Variants in NELL2 observed in about 807,000 individuals in gnomAD.
The protein encoded by NELL2 is protein kinase C-binding protein NELL2.
In NELL2, 41 loss-of-function variants were observed where a neutral mutation model predicts 109.6. The ratio of observed to expected loss-of-function variants is 0.37; its 90% CI spans 0.29 to 0.49. The LOEUF is 0.49. Ranked by LOEUF, NELL2 falls within the 20% of genes least tolerant of loss-of-function variation. The pLI is 0.98. For missense variants in NELL2, 900 were observed against 1,008.3 expected (o/e 0.89, Z 1.45); for synonymous variants, 355 against 344.7 (o/e 1.03, Z -0.33).
At chr12:44,717,578 A>T (rs1938555372) in intron 9 of NELL2, among the ~76,000 whole-genome samples, 1 of 152,164 alleles carries the variant, frequency 6.6e-6, no homozygotes, top group Non-Finnish European at 1.5e-5. Flanking sequence ...AGATTAAGAA[A>T]ATAAACAAGG....
chr12:44,716,260 T>C (rs1938481791), intron 9 of NELL2, among the ~76,000 whole-genome samples: 1 of 152,206 alleles, frequency 6.6e-6, no homozygotes, highest in South Asian at 2.1e-4. Flanking sequence ...TTTTTTAAAA[T>C]GTCATCCTCC....
At chr12:44,701,905 T>G (rs1256677578) in intron 12 of NELL2, among the ~76,000 whole-genome samples, 2 of 152,096 alleles carry the variant, frequency 1.3e-5, no homozygotes, top group African/African-American at 4.8e-5. Flanking sequence ...CCTTGCAAAC[T>G]TTCCTACATT....
intron 12 of NELL2, among the ~76,000 whole-genome samples, chr12:44,675,606 T>C (rs189244819): frequency 6.6e-6 from 1 of 152,128 alleles, no homozygotes; most frequent in Admixed American, 6.6e-5. Flanking sequence ...AGAGGAACTT[T>C]AGAAATCATC....
At chr12:44,819,729 T>C (rs1204894197) in intron 2 of NELL2, among the ~76,000 whole-genome samples, 1 of 152,210 alleles carries the variant, frequency 6.6e-6, no homozygotes, top group African/African-American at 2.4e-5. Context: ...CAGCCCATTG[T>C]CTTCCTGTTT....
chr12:44,788,609 G>A (rs762511377), intron 3 of NELL2, among the ~76,000 whole-genome samples: 3 of 152,212 alleles, frequency 2.0e-5, no homozygotes, highest in Non-Finnish European at 4.4e-5. Context: ...AAGGCAGAAG[G>A]AAATCTCCAG....
chr12:44,803,486 G>A (rs189645824), intron 3 of NELL2, among the ~76,000 whole-genome samples: 162 of 152,150 alleles, frequency 1.1e-3, no homozygotes, highest in African/African-American at 3.7e-3. Context: ...AGAGGAATAA[G>A]AGATGGAGGG....
chr12:44,519,880 A>T, intron 19 of NELL2, 125 bp downstream of exon 19: 1 of 810,570 alleles, frequency 1.2e-6, no homozygotes, highest in Non-Finnish European at 2.0e-6. Context: ...CCGCCCACCT[A>T]TGTTTGAAAA....
intron 9 of NELL2, among the ~76,000 whole-genome samples, chr12:44,742,208 G>A (rs894599116): frequency 2.0e-5 from 3 of 152,194 alleles, no homozygotes; most frequent in African/African-American, 7.2e-5. Flanking sequence ...AGGGTCTGGA[G>A]TAGACCTCTA....
intron 15 of NELL2, among the ~76,000 whole-genome samples, chr12:44,596,040 T>A (rs1944951697): frequency 6.6e-6 from 1 of 152,150 alleles, no homozygotes; most frequent in African/African-American, 2.4e-5. Flanking sequence ...ACAAGATTTG[T>A]AGTTAGCAGT....
intron 2 of NELL2, among the ~76,000 whole-genome samples, chr12:44,842,475 T>C (rs1944258412): frequency 6.6e-6 from 1 of 152,132 alleles, no homozygotes; most frequent in Non-Finnish European, 1.5e-5. Flanking sequence ...ATATAAAAGG[T>C]AGAATCGAAA....
chr12:44,808,417 T>G (rs757966199), intron 3 of NELL2, among the ~76,000 whole-genome samples: 97 of 152,118 alleles, frequency 6.4e-4, no homozygotes, highest in Non-Finnish European at 1.2e-3. Flanking sequence ...GAATATATAT[T>G]GTAACTTTCC....
chr12:44,511,298 C>G (rs1229192784), intron 19 of NELL2, among the ~76,000 whole-genome samples: 1 of 152,072 alleles, frequency 6.6e-6, no homozygotes, highest in South Asian at 2.1e-4. Context: ...TAAGACTAAC[C>G]CTCCTATAGA....
At chr12:44,886,026 A>G (rs1945467118) in intron 1 of NELL2, among the ~76,000 whole-genome samples, 1 of 151,146 alleles carries the variant, frequency 6.6e-6, no homozygotes, top group Non-Finnish European at 1.5e-5. Context: ...AAGATTTTTC[A>G]ATGGATAAAA....
At chr12:44,825,346 A>T (rs1943675169) in intron 2 of NELL2, among the ~76,000 whole-genome samples, 1 of 146,278 alleles carries the variant, frequency 6.8e-6, no homozygotes, top group Non-Finnish European at 1.5e-5. Context: ...ATTTACACCT[A>T]CGTATTTTTA....
At chr12:44,744,403 G>A (rs552651109) in intron 9 of NELL2, among the ~76,000 whole-genome samples, 1 of 152,172 alleles carries the variant, frequency 6.6e-6, no homozygotes, top group East Asian at 1.9e-4. Context: ...AGAAAAGCAA[G>A]AGCAAACACA....
intron 3 of NELL2, among the ~76,000 whole-genome samples, chr12:44,808,590 G>C (rs893107947): frequency 6.6e-6 from 1 of 151,886 alleles, no homozygotes; most frequent in African/African-American, 2.4e-5. Flanking sequence ...TATCTTTAAA[G>C]TTATTTATTA....
intron 1 of NELL2, among the ~76,000 whole-genome samples, chr12:44,905,311 A>G (rs1945707637): frequency 6.6e-6 from 1 of 151,610 alleles, no homozygotes; most frequent in African/African-American, 2.4e-5. Flanking sequence ...CTCATTATCT[A>G]TATGTTTTAT....
At chr12:44,723,143 C>T (rs1175616437) in intron 9 of NELL2, among the ~76,000 whole-genome samples, 4 of 151,314 alleles carry the variant, frequency 2.6e-5, no homozygotes, top group Non-Finnish European at 4.4e-5. Flanking sequence ...GAGCCGAGAT[C>T]GCACCACACT....
Position 44,698,738 on chromosome 12 carries a change from T to C in NELL2, c.1318+4988A>G, listed in dbSNP as rs558988671. Among the ~76,000 whole-genome samples, 11 of 152,338 alleles carry C rather than the reference T, an allele frequency of 7.2e-5. 1 individual carries two copies. In the South Asian group the frequency reaches 2.3e-3, roughly 32 times the overall value. On this transcript the variant is annotated intron_variant, in intron 12 of 19. Coordinates refer to ENST00000429094, the MANE Select transcript of NELL2 (RefSeq NM_001145108.2). ...ACAAACTTACTTTAAAATTCATTAA[T>C]AAGGCATCAATTACCAATTTTTATA...
Sources: allele counts gnomAD v4.1 joint callset (sites outside exome capture counted in the v4.1 genomes callset), GRCh38; gene constraint gnomAD v4.1.1; transcripts MANE v1.5; gene names NCBI Gene and HGNC (gene_info 2026-07-23, HGNC 2026-07-21).